IL1RAPL1: variants seen among roughly 807,000 people sequenced by gnomAD.
IL1RAPL1 encodes interleukin-1 receptor accessory protein-like 1.
IL1RAPL1 carries 3 observed loss-of-function variants against 48.4 expected under a neutral mutation model. That is an observed-to-expected ratio of 0.06 (90% CI 0.03 to 0.16). The LOEUF (loss-of-function observed/expected upper bound fraction) is 0.16, where lower values mean the gene tolerates loss of function less well. Among genes scored for constraint, IL1RAPL1 ranks in the 10% least tolerant of loss-of-function variants. The pLI is 1.00. For missense variants in IL1RAPL1, 349 were observed against 530.6 expected (o/e 0.66, Z 3.36); for synonymous variants, 185 against 187.7 (o/e 0.99, Z 0.12).
intron 5 of IL1RAPL1, among the ~76,000 whole-genome samples, chrX:29,611,259 TTCTG>T (rs772429874): frequency 1.8e-5 from 2 of 111,782 alleles, no homozygotes; most frequent in East Asian, 5.7e-4. Context: ...CTCTGAAGTC[TTCTG>T]TCTGAGAGCT....
At chrX:29,262,658 C>T (rs1345205942) in intron 2 of IL1RAPL1, among the ~76,000 whole-genome samples, 4 of 103,814 alleles carry the variant, frequency 3.9e-5, no homozygotes, top group Non-Finnish European at 3.9e-5. Flanking sequence ...AGCGAAACTC[C>T]ATCTCAAAAA....
intron 6 of IL1RAPL1, among the ~76,000 whole-genome samples, chrX:29,688,754 C>CTCTG (rs58405949): frequency 1.8e-4 from 19 of 103,886 alleles, no homozygotes; most frequent in African/African-American, 4.5e-4. Flanking sequence ...CTCTCTCTCT[C>CTCTG]TGTGTGTGTC....
At chrX:28,659,447 G>C (rs749484609) in intron 1 of IL1RAPL1, 1 of 524,281 alleles carries the variant, frequency 1.9e-6, no homozygotes, top group Admixed American at 2.6e-5. Flanking sequence ...CGATTTGCGG[G>C]AAGTCAGCTT....
intron 2 of IL1RAPL1, among the ~76,000 whole-genome samples, chrX:29,055,323 C>T (rs867615028): frequency 1.2e-4 from 13 of 111,349 alleles, no homozygotes; most frequent in African/African-American, 3.6e-4. Flanking sequence ...CAGATAAGAG[C>T]CTATAATTCT....
rs747928903 is a variant in IL1RAPL1, at chrX:29,299,858, T to C, written c.362+16641T>C. 4.4e-5 allele frequency among the ~76,000 whole-genome samples: 5 copies of C among 112,496 alleles called. No homozygotes were observed. In the South Asian group the frequency reaches 1.8e-3, roughly 42 times the overall value. On this transcript the variant is annotated intron_variant, in intron 3 of 10. Coordinates refer to ENST00000378993, the MANE Select transcript of IL1RAPL1 (RefSeq NM_014271.4). ...GATCCCAGAGTTGGAGGTCAGGTGT[T>C]ACTAATGGGAGTTTGAGTAATGCGG...
intron 6 of IL1RAPL1, among the ~76,000 whole-genome samples, chrX:29,803,308 C>CATATGTAT (rs1930118430): frequency 2.7e-4 from 6 of 22,148 alleles, no homozygotes; most frequent in African/African-American, 1.1e-3. Flanking sequence ...TACATATACA[C>CATATGTAT]ACATGTATAT....
chrX:29,061,254 A>C (rs1343139129), intron 2 of IL1RAPL1, among the ~76,000 whole-genome samples: 2 of 111,804 alleles, frequency 1.8e-5, no homozygotes, highest in African/African-American at 6.5e-5. Flanking sequence ...ACCAGACTAT[A>C]AGGTGCTTTT....
intron 6 of IL1RAPL1, among the ~76,000 whole-genome samples, chrX:29,829,155 TACACACACACACACACACACACAC>T (rs57560936): frequency 1.6e-3 from 96 of 61,881 alleles, no homozygotes; most frequent in African/African-American, 4.5e-3. Flanking sequence ...GACAAAAACC[TACACACACACACACACACACACAC>T]ACACACACAC....
intron 2 of IL1RAPL1, among the ~76,000 whole-genome samples, chrX:28,939,327 A>G (rs1035955764): frequency 9.0e-6 from 1 of 111,698 alleles, no homozygotes; most frequent in African/African-American, 3.2e-5. Flanking sequence ...TCTGGTGCAT[A>G]TACACCATGG....
intron 5 of IL1RAPL1, among the ~76,000 whole-genome samples, chrX:29,658,195 A>G (rs753070724): frequency 1.1e-3 from 123 of 111,137 alleles, no homozygotes; most frequent in Non-Finnish European, 2.1e-3. Flanking sequence ...TTCTCCACTC[A>G]TTTGGTCAGA....
At chrX:28,942,176 A>T (rs1411308119) in intron 2 of IL1RAPL1, 1 of 109,968 alleles carries the variant, frequency 9.1e-6, no homozygotes, top group East Asian at 2.9e-4. Flanking sequence ...ATAAGTGTTC[A>T]ATCAGTCTGG....
intron 6 of IL1RAPL1, among the ~76,000 whole-genome samples, chrX:29,711,293 C>A (rs1927348605): frequency 9.5e-6 from 1 of 105,390 alleles, no homozygotes; most frequent in Non-Finnish European, 1.9e-5. Flanking sequence ...AAGTGATTCT[C>A]CTGTCCCAGC....
At chrX:28,792,851 A>ATATATATATAT (rs1491269024) in intron 2 of IL1RAPL1, among the ~76,000 whole-genome samples, 1 of 27,835 alleles carries the variant, frequency 3.6e-5, no homozygotes, top group Non-Finnish European at 5.0e-5. Context: ...ATATATATAT[A>ATATATATATAT]AAAAATAAGG....
chrX:29,334,829 C>G (rs766098350), intron 3 of IL1RAPL1, among the ~76,000 whole-genome samples: 1 of 111,286 alleles, frequency 9.0e-6, no homozygotes, highest in Non-Finnish European at 1.9e-5. Context: ...ATATCCCAGA[C>G]GATGGGGGGC....
At chrX:28,915,501 A>G (rs184196677) in intron 2 of IL1RAPL1, among the ~76,000 whole-genome samples, 2 of 112,084 alleles carry the variant, frequency 1.8e-5, no homozygotes, top group African/African-American at 6.5e-5. Context: ...TTGAATGCGT[A>G]TAACATCTCA....
At chrX:29,499,539 C>T (rs138474971) in intron 5 of IL1RAPL1, among the ~76,000 whole-genome samples, 1,249 of 111,856 alleles carry the variant, frequency 0.011, 15 homozygotes, top group African/African-American at 0.039. Context: ...CATTGCAGAA[C>T]ACACAACTTT....
At chrX:28,938,231 A>C (rs1924068532) in intron 2 of IL1RAPL1, among the ~76,000 whole-genome samples, 1 of 111,810 alleles carries the variant, frequency 8.9e-6, no homozygotes, top group Non-Finnish European at 1.9e-5. Context: ...GCAAAAGTAC[A>C]AAGCTGGAGG....
intron 1 of IL1RAPL1, among the ~76,000 whole-genome samples, chrX:28,699,656 TCTC>T (rs1244735179): frequency 1.3e-4 from 14 of 111,630 alleles, no homozygotes; most frequent in African/African-American, 3.9e-4. Context: ...AGACTCTCTC[TCTC>T]CTCTGTTTGT....
chrX:29,503,913 A>C (rs1935300373), intron 5 of IL1RAPL1, among the ~76,000 whole-genome samples: 1 of 109,053 alleles, frequency 9.2e-6, no homozygotes, highest in Non-Finnish European at 1.9e-5. Context: ...AGCCTCTCAA[A>C]GTGCTAGGAT....
Sources: gnomAD v4.1 joint callset for allele counts (sites outside exome capture counted in the v4.1 genomes callset) on GRCh38, gnomAD v4.1.1 for gene constraint, MANE v1.5 for transcripts, NCBI Gene and HGNC (gene_info 2026-07-23, HGNC 2026-07-21) for gene names.